Variants in ZSCAN25 observed in about 807,000 individuals in gnomAD.
ZSCAN25 encodes the protein zinc finger and SCAN domain-containing protein 25.
ZSCAN25 carries 27 observed loss-of-function variants against 38.7 expected under a neutral mutation model. That is an observed-to-expected ratio of 0.70 (90% confidence interval 0.51 to 0.96). The LOEUF (loss-of-function observed/expected upper bound fraction) is 0.96, where lower values mean the gene tolerates loss of function less well. ZSCAN25 is among the 40% of genes least tolerant of loss of function. The probability of loss-of-function intolerance (pLI) is 0.00; values close to 1 mark genes in which losing one functional copy is unlikely to be tolerated. For synonymous variants in ZSCAN25, 273 were observed against 277.7 expected (o/e 0.98, Z 0.17); for missense variants, 637 against 705.9 (o/e 0.90, Z 1.11).
the ZSCAN25 span, among the ~76,000 whole-genome samples, chr7:99,713,120 G>A: frequency 0.024 from 3,667 of 152,202 alleles, 62 homozygotes; most frequent in South Asian, 0.044. Context: ...CACAAAAATT[G>A]CAATTATTTT....
chr7:99,681,345 G>A, the ZSCAN25 span, among the ~76,000 whole-genome samples: 2 of 152,204 alleles, frequency 1.3e-5, no homozygotes, highest in Non-Finnish European at 2.9e-5. Flanking sequence ...TGGATATTGT[G>A]GTAGCTCTAT....
chr7:99,674,355 T>C, the ZSCAN25 span: 3 of 487,504 alleles, frequency 6.2e-6, no homozygotes, highest in Admixed American at 3.9e-5. Flanking sequence ...GCAAGCAGAT[T>C]CCCATTGCAA....
the ZSCAN25 span, among the ~76,000 whole-genome samples, chr7:99,704,462 T>C: frequency 6.6e-6 from 1 of 151,982 alleles, no homozygotes; most frequent in Non-Finnish European, 1.5e-5. Context: ...AGCTAATTTT[T>C]GTATTTTTAG....
chr7:99,691,209 C>T, the ZSCAN25 span, among the ~76,000 whole-genome samples: 5 of 151,696 alleles, frequency 3.3e-5, no homozygotes, highest in African/African-American at 7.3e-5. Flanking sequence ...AACCAAACAC[C>T]GCATGTACTC....
chr7:99,715,952 C>T, the ZSCAN25 span: 25 of 1,612,292 alleles, frequency 1.6e-5, no homozygotes, highest in Non-Finnish European at 2.1e-5. Flanking sequence ...ACCTCTTTAC[C>T]ATCCTTCCTC....
At chr7:99,622,288 A>G in intron 5 of ZSCAN25, 1 of 506,082 alleles carries the variant, frequency 2.0e-6, no homozygotes, top group Non-Finnish European at 3.5e-6. Context: ...ACTGGGTAGC[A>G]TGGGTAGCCC....
chr7:99,672,927 AAG>A, the ZSCAN25 span: 1 of 1,288,660 alleles, frequency 7.8e-7, no homozygotes, highest in Admixed American at 3.5e-5. Context: ...TGAAAGACAA[AAG>A]AGCTCTTTAA....
chr7:99,637,237 C>G (rs974638823), downstream of ZSCAN25, among the ~76,000 whole-genome samples: 1 of 151,864 alleles, frequency 6.6e-6, no homozygotes, highest in African/African-American at 2.4e-5. Context: ...ACAAAGTAAA[C>G]CTGTTAGTAA....
At chr7:99,660,871 A>G in the ZSCAN25 span, among the ~76,000 whole-genome samples, 10 of 152,138 alleles carry the variant, frequency 6.6e-5, no homozygotes, top group Admixed American at 2.0e-4. Context: ...CAAGGTCTAC[A>G]TGATTGTGGG....
chr7:99,690,020 G>A, the ZSCAN25 span, among the ~76,000 whole-genome samples: 19 of 152,292 alleles, frequency 1.2e-4, no homozygotes, highest in East Asian at 2.1e-3. Flanking sequence ...GAACAAAGCC[G>A]CAGGCATCAC....
At chr7:99,674,564 CTG>C in the ZSCAN25 span, 1 of 1,613,756 alleles carries the variant, frequency 6.2e-7, no homozygotes, top group Non-Finnish European at 8.5e-7. Flanking sequence ...TTATAGCACT[CTG>C]TGTCAAATTT....
chr7:99,688,859 A>AGTTG, the ZSCAN25 span, among the ~76,000 whole-genome samples: 1 of 152,248 alleles, frequency 6.6e-6, no homozygotes, highest in South Asian at 2.1e-4. Flanking sequence ...CAGGATTAAG[A>AGTTG]AGCTCACTCA....
chr7:99,619,881 C>T lies in ZSCAN25; in HGVS notation c.275C>T (p.Thr92Ile). 2 of 1,614,228 alleles carry T rather than the reference C, an allele frequency of 1.2e-6. No individual in the cohort carries two copies. The highest frequency in any genetic ancestry group is 1.7e-6 in the Non-Finnish European group (2 of 1,180,054). Reference protein sequence around the residue: ...LELLVLEQFLTILPREFYAWI... With the variant: ...LELLVLEQFLIILPREFYAWI... Reference sequence around the variant, plus strand: ...CTGCTGGTGCTGGAGCAGTTCCTCACTATCCTGCCCCGCGAGTTCTACGCC... The same window carrying T: ...CTGCTGGTGCTGGAGCAGTTCCTCATTATCCTGCCCCGCGAGTTCTACGCC... Residue 92 changes from threonine (T) to isoleucine (I), a missense_variant, in exon 4 of 8, where the codon ACT becomes ATT. Thr to Ile is a moderately conservative substitution (Grantham distance 89). Coordinates refer to ENST00000394152, the MANE Select transcript of ZSCAN25 (RefSeq NM_145115.3).
At chr7:99,717,357 C>T in the ZSCAN25 span, 1 of 1,605,758 alleles carries the variant, frequency 6.2e-7, no homozygotes, top group Non-Finnish European at 8.5e-7. Flanking sequence ...CAATAAGTGA[C>T]ATTGTATAAT....
the ZSCAN25 span, chr7:99,671,117 TTGTGTGTG>T: frequency 0.021 from 3,019 of 141,896 alleles, 43 homozygotes; most frequent in Middle Eastern, 0.062. Context: ...CACAGACCAT[TTGTGTGTG>T]TGTGTGTGTG....
chr7:99,642,582 GT>G, the ZSCAN25 span, among the ~76,000 whole-genome samples: 2 of 152,196 alleles, frequency 1.3e-5, no homozygotes, highest in African/African-American at 2.4e-5. Context: ...GCATGCTATT[GT>G]TTTTAGCCAC....
rs935249835 is a variant in ZSCAN25, at chr7:99,630,998, A to G, written c.*978A>G. On this transcript the variant is annotated 3_prime_UTR_variant, in exon 8 of 8. Coordinates refer to ENST00000394152, the MANE Select transcript of ZSCAN25 (RefSeq NM_145115.3). ...CATTGGACCCATTTCCCAAGTATTT[A>G]TTGAGGCCCTGTAACAAACATGTCA... The G allele has an allele frequency of 1.1e-6, 1 of 943,638 alleles. No homozygotes were observed. The highest frequency in any genetic ancestry group is 1.3e-6 in the Non-Finnish European group (1 of 792,152). 58.5% of individuals were successfully genotyped at this position (943,638 alleles called of 1,614,324 possible).
At chr7:99,640,164 T>G in the ZSCAN25 span, among the ~76,000 whole-genome samples, 1 of 152,180 alleles carries the variant, frequency 6.6e-6, no homozygotes, top group Non-Finnish European at 1.5e-5. Context: ...ATTTCTCCTT[T>G]ATTGATTGAT....
chr7:99,715,595 G>A, the ZSCAN25 span: 2 of 1,236,966 alleles, frequency 1.6e-6, no homozygotes, highest in Admixed American at 2.1e-5. Context: ...AATGACAGAA[G>A]TGTTTTAAAG....
Sources: allele counts gnomAD v4.1 joint callset (sites outside exome capture counted in the v4.1 genomes callset), GRCh38; gene constraint gnomAD v4.1.1; transcripts MANE v1.5; gene names NCBI Gene and HGNC (gene_info 2026-07-23, HGNC 2026-07-21).